Variants in MTUS2 observed in about 807,000 individuals in gnomAD.
The protein encoded by MTUS2 is microtubule-associated tumor suppressor candidate 2.
Under a neutral mutation model 114.1 loss-of-function variants are expected in MTUS2, and 40 were observed. The ratio of observed to expected loss-of-function variants is 0.35; its 90% CI spans 0.27 to 0.46. The LOEUF is 0.46. Among genes scored for constraint, MTUS2 ranks in the 20% least tolerant of loss-of-function variants. The pLI, the probability that MTUS2 is intolerant of heterozygous loss-of-function variation, is 1.00. For missense variants in MTUS2, 1,679 were observed against 1,705.4 expected (o/e 0.98, Z 0.27); for synonymous variants, 688 against 672.0 (o/e 1.02, Z -0.37).
At chr13:29,429,511 C>T (rs1031913914) in intron 8 of MTUS2, among the ~76,000 whole-genome samples, 5 of 152,186 alleles carry the variant, frequency 3.3e-5, no homozygotes, top group African/African-American at 1.2e-4. Context: ...AATTCACAGC[C>T]AGGGAACTGA....
intron 10 of MTUS2, chr13:29,484,771 A>C (rs1881470176): frequency 6.6e-6 from 1 of 152,246 alleles, no homozygotes; most frequent in Non-Finnish European, 1.5e-5. Flanking sequence ...ACGTTTCTTC[A>C]TTTGAAATCT....
intron 5 of MTUS2, among the ~76,000 whole-genome samples, chr13:29,184,112 G>A (rs1894120924): frequency 6.6e-6 from 1 of 152,156 alleles, no homozygotes; most frequent in Non-Finnish European, 1.5e-5. Context: ...AGCAGGTATT[G>A]TGCATATCAT....
intron 5 of MTUS2, among the ~76,000 whole-genome samples, chr13:29,128,980 T>G (rs1196687516): frequency 6.6e-6 from 1 of 152,212 alleles, no homozygotes; most frequent in Non-Finnish European, 1.5e-5. Flanking sequence ...AAAAGGAAAT[T>G]GTAAATGATA....
intron 3 of MTUS2, among the ~76,000 whole-genome samples, chr13:29,031,270 G>GTGTGTGTGTGTGTGTGTGTGT (rs1555287201): frequency 1.8e-4 from 4 of 22,392 alleles, no homozygotes; most frequent in Non-Finnish European, 3.8e-4. Context: ...GTGTGTGTGT[G>GTGTGTGTGTGTGTGTGTGTGT]GTGTGTGTTC....
intron 8 of MTUS2, among the ~76,000 whole-genome samples, chr13:29,403,198 A>T (rs996510518): frequency 3.9e-5 from 6 of 152,158 alleles, no homozygotes; most frequent in Non-Finnish European, 8.8e-5. Flanking sequence ...GTGCACACAG[A>T]CTTGTGCCTT....
intron 2 of MTUS2, among the ~76,000 whole-genome samples, chr13:28,948,946 T>C (rs781404532): frequency 1.3e-5 from 2 of 152,230 alleles, no homozygotes; most frequent in African/African-American, 4.8e-5. Context: ...CTGGGAGGGC[T>C]ACCAATTTGT....
At position 29,025,194 on chromosome 13, in the gene MTUS2, A is replaced by T; in HGVS notation, c.496A>T (p.Thr166Ser). The T allele has an allele frequency of 6.2e-7, 1 of 1,613,904 alleles. No homozygotes were observed. Among genetic ancestry groups the T allele is most frequent in the South Asian group, 1.1e-5 (1 of 91,080 alleles). ...RHVPKDKLAK[T>S]LDNEELRRHS... ...TGTTCCCAAGGATAAACTGGCAAAGACCCTTGACAATGAGGAACTGAGGAG... is the reference window on the plus strand; with the variant it reads ...TGTTCCCAAGGATAAACTGGCAAAGTCCCTTGACAATGAGGAACTGAGGAG... The change falls in exon 3 of 16, where the codon ACC (threonine) becomes TCC (serine). Residue 166 changes from threonine to serine, a missense_variant. Physicochemically the swap from Thr to Ser is moderately conservative, Grantham distance 58 (BLOSUM62 1). Coordinates refer to ENST00000612955, the MANE Select transcript of MTUS2 (RefSeq NM_001033602.4).
intron 2 of MTUS2, among the ~76,000 whole-genome samples, chr13:28,953,622 T>A (rs1026229041): frequency 1.3e-5 from 2 of 152,248 alleles, no homozygotes; most frequent in African/African-American, 4.8e-5. Context: ...TGCAAAATTT[T>A]AAAATTTCCA....
At chr13:29,165,635 A>G (rs980633421) in intron 5 of MTUS2, among the ~76,000 whole-genome samples, 1 of 152,224 alleles carries the variant, frequency 6.6e-6, no homozygotes, top group Non-Finnish European at 1.5e-5. Context: ...TGTGTTTTCA[A>G]ATAAGGGTTT....
At chr13:29,433,561 T>C (rs1244842655) in intron 8 of MTUS2, among the ~76,000 whole-genome samples, 1 of 152,208 alleles carries the variant, frequency 6.6e-6, no homozygotes, top group Non-Finnish European at 1.5e-5. Flanking sequence ...CCACCTCCTA[T>C]GGGATTTTTC....
chr13:29,203,475 G>A (rs1023293414), intron 5 of MTUS2, among the ~76,000 whole-genome samples: 1 of 150,612 alleles, frequency 6.6e-6, no homozygotes, highest in African/African-American at 2.5e-5. Flanking sequence ...CACTGAGCAA[G>A]ACCACTTGGC....
intron 2 of MTUS2, among the ~76,000 whole-genome samples, chr13:28,940,630 A>G (rs1323246090): frequency 3.1e-4 from 46 of 149,122 alleles, no homozygotes; most frequent in Admixed American, 3.0e-3. Flanking sequence ...CTGTAAGAGT[A>G]TAAATATTCG....
chr13:29,307,282 G>A, intron 6 of MTUS2: 1 of 657,884 alleles, frequency 1.5e-6, no homozygotes, highest in South Asian at 1.6e-5. Context: ...TGACAACTTT[G>A]GTATCATGGA....
intron 2 of MTUS2, among the ~76,000 whole-genome samples, chr13:28,936,156 G>A (rs1400075570): frequency 2.0e-5 from 3 of 152,148 alleles, no homozygotes; most frequent in Non-Finnish European, 2.9e-5. Context: ...GAGGGACTTC[G>A]TTAGTTGCCA....
chr13:29,466,749 T>C (rs771721867), intron 9 of MTUS2, among the ~76,000 whole-genome samples: 2 of 151,620 alleles, frequency 1.3e-5, no homozygotes, highest in African/African-American at 2.4e-5. Context: ...TGGTGGTGCG[T>C]GTCTATAGTC....
chr13:29,373,849 C>T (rs1200105214), intron 8 of MTUS2, among the ~76,000 whole-genome samples: 2 of 152,200 alleles, frequency 1.3e-5, no homozygotes, highest in African/African-American at 4.8e-5. Flanking sequence ...TACAAAGAAT[C>T]AGGAAATCCT....
Position 28,883,522 on chromosome 13 carries a change from T to C in MTUS2, c.-243+43672T>C, listed in dbSNP as rs138888213. Among the ~76,000 whole-genome samples the C allele has an allele frequency of 1.4e-3, 206 of 152,348 alleles. 2 individuals are homozygous for C. Among genetic ancestry groups the C allele is most frequent in the African/African-American group, 4.8e-3 (200 of 41,578 alleles). ...ACTTGGATGGATCTCCAGGGAATTA[T>C]GTGGATTGAAAAAAAGCCAATATAA... is the stretch of plus-strand genomic sequence containing the variant. On this transcript the variant is annotated intron_variant, in intron 2 of 15. Coordinates refer to ENST00000612955, the MANE Select transcript of MTUS2 (RefSeq NM_001033602.4).
intron 5 of MTUS2, among the ~76,000 whole-genome samples, chr13:29,254,113 C>A (rs908908409): frequency 6.6e-6 from 1 of 152,120 alleles, no homozygotes. Flanking sequence ...AGAAGTGACA[C>A]AAGATAGGGA....
intron 9 of MTUS2, among the ~76,000 whole-genome samples, chr13:29,478,758 G>A (rs1404981479): frequency 1.3e-5 from 2 of 152,122 alleles, no homozygotes; most frequent in Admixed American, 6.5e-5. Flanking sequence ...GGAGATCAGA[G>A]TCCTCCATTA....
Sources: gnomAD v4.1 joint callset for allele counts (sites outside exome capture counted in the v4.1 genomes callset) on GRCh38, gnomAD v4.1.1 for gene constraint, MANE v1.5 for transcripts, NCBI Gene and HGNC (gene_info 2026-07-23, HGNC 2026-07-21) for gene names.